The following BRINP2 variants were observed in gnomAD, a reference collection of about 807,000 sequenced individuals.
BRINP2 encodes BMP/retinoic acid inducible neural specific 2, also known as BMP/retinoic acid-inducible neural-specific protein 2.
Under a neutral mutation model 69.2 loss-of-function variants are expected in BRINP2, and 21 were observed. That is an observed-to-expected ratio of 0.30 (90% CI 0.22 to 0.44). The LOEUF is 0.44. Ranked by LOEUF, BRINP2 falls within the 20% of genes least tolerant of loss-of-function variation. The pLI is 1.00. For synonymous variants in BRINP2, 380 were observed against 394.1 expected (o/e 0.96, Z 0.42); for missense variants, 877 against 986.0 (o/e 0.89, Z 1.48).
intron 2 of BRINP2, among the ~76,000 whole-genome samples, chr1:177,239,837 G>A (rs1416919870): frequency 1.3e-5 from 2 of 152,126 alleles, no homozygotes; most frequent in Admixed American, 6.5e-5. Context: ...TATGTTTTGG[G>A]GAAGATGCAG....
At chr1:177,213,986 G>T (rs1217395265) in intron 1 of BRINP2, among the ~76,000 whole-genome samples, 1 of 152,192 alleles carries the variant, frequency 6.6e-6, no homozygotes, top group Non-Finnish European at 1.5e-5. Flanking sequence ...GTCAGCAGCA[G>T]TCTGAGCCAA....
rs944890706 is a variant in BRINP2, at chr1:177,229,990, G to A, written c.114G>A (p.Ala38=). Residue 38 remains alanine, a synonymous_variant, in exon 2 of 8, where the codon GCG becomes GCA. Coordinates refer to ENST00000361539, the MANE Select transcript of BRINP2 (RefSeq NM_021165.4). The part of the protein sequence containing the change: ...PGWVLAVSAT[A]AAVVPEQHAS... ...GGGTGTTGGCTGTCTCAGCCACGGC[G>A]GCTGCTGTGGTCCCCGAGCAGCATG... 2.2e-5 allele frequency: 36 copies of A among 1,613,284 alleles called. No homozygotes were observed. Among genetic ancestry groups the A allele is most frequent in the Non-Finnish European group, 2.9e-5 (34 of 1,179,890 alleles).
chr1:177,224,633 G>A (rs1280949542), intron 1 of BRINP2, among the ~76,000 whole-genome samples: 3 of 151,642 alleles, frequency 2.0e-5, no homozygotes, highest in African/African-American at 7.3e-5. Context: ...CTGATGCTGT[G>A]AGGTATAAAT....
chr1:177,278,824 CT>C lies in BRINP2; in HGVS notation c.1235+40del, dbSNP rs1651597477. Reference sequence around the variant, plus strand: ...GGCTGCTACAGCCAGAGCTCAGCACCTCCCCTGACAGCTGCTGAGGCCAAGG... The same window carrying C: ...GGCTGCTACAGCCAGAGCTCAGCACCCCCCTGACAGCTGCTGAGGCCAAGG... On this transcript the variant is annotated intron_variant, in intron 7 of 7. Transcript: ENST00000361539. 1.9e-6 allele frequency: 3 copies of C among 1,597,350 alleles called. No individual in the cohort carries two copies. In the South Asian group the frequency reaches 3.3e-5, roughly 18 times the overall value.
chr1:177,222,592 G>A (rs1480361335), intron 1 of BRINP2, among the ~76,000 whole-genome samples: 4 of 152,032 alleles, frequency 2.6e-5, no homozygotes, highest in South Asian at 4.1e-4. Context: ...GATTACAGGC[G>A]TGAGCCACTG....
At chr1:177,185,312 ATATCTTGACCTTGAAACTTTTT>A (rs1421637619) in intron 1 of BRINP2, among the ~76,000 whole-genome samples, 1 of 152,200 alleles carries the variant, frequency 6.6e-6, no homozygotes, top group African/African-American at 2.4e-5. Context: ...TATTTCCAAT[ATATCTTGACCTTGAAACTTTTT>A]TTGATCTTAT....
At chr1:177,276,070 G>T in intron 5 of BRINP2, 128 bp from the exon 6 acceptor site, 2 of 827,548 alleles carry the variant, frequency 2.4e-6, no homozygotes, top group Non-Finnish European at 4.0e-6. Flanking sequence ...AGGCCCTGTG[G>T]TGCCCATGCT....
intron 1 of BRINP2, among the ~76,000 whole-genome samples, chr1:177,184,934 A>C (rs1648385575): frequency 6.6e-6 from 1 of 152,172 alleles, no homozygotes; most frequent in Non-Finnish European, 1.5e-5. Flanking sequence ...TGGGGAGCTT[A>C]TTAAAATGCA....
intron 1 of BRINP2, among the ~76,000 whole-genome samples, chr1:177,224,694 C>T (rs1209739043): frequency 2.0e-5 from 3 of 151,922 alleles, no homozygotes; most frequent in Non-Finnish European, 2.9e-5. Context: ...AAATCTGTGA[C>T]CTCATGCAAT....
intron 6 of BRINP2, among the ~76,000 whole-genome samples, chr1:177,277,802 A>G (rs977509893): frequency 6.6e-6 from 1 of 152,064 alleles, no homozygotes; most frequent in Non-Finnish European, 1.5e-5. Context: ...CTAGACCTCT[A>G]CCAGGAGACC....
intron 1 of BRINP2, among the ~76,000 whole-genome samples, chr1:177,175,293 G>GT (rs1448794092): frequency 1.3e-5 from 2 of 152,080 alleles, no homozygotes; most frequent in African/African-American, 4.8e-5. Flanking sequence ...AGCGGGGTGG[G>GT]GGGGGCAGGA....
intron 2 of BRINP2, among the ~76,000 whole-genome samples, chr1:177,230,770 A>G (rs1649842306): frequency 6.6e-6 from 1 of 152,212 alleles, no homozygotes; most frequent in Non-Finnish European, 1.5e-5. Flanking sequence ...AGCCAGGCAC[A>G]TATTCCTGGC....
At chr1:177,229,580 T>A (rs1328381857) in intron 1 of BRINP2, among the ~76,000 whole-genome samples, 26 of 152,228 alleles carry the variant, frequency 1.7e-4, no homozygotes, top group Admixed American at 1.7e-3. Context: ...CTAAGCCTCA[T>A]CTTCTTATCT....
chr1:177,212,932 C>A (rs1403086090), intron 1 of BRINP2, among the ~76,000 whole-genome samples: 1 of 152,160 alleles, frequency 6.6e-6, no homozygotes, highest in Non-Finnish European at 1.5e-5. Flanking sequence ...GGGTATAATA[C>A]CTACCTTGGT....
At chr1:177,276,622 G>A (rs1571949960) in intron 6 of BRINP2, among the ~76,000 whole-genome samples, 188 bp downstream of exon 6, 1 of 152,236 alleles carries the variant, frequency 6.6e-6, no homozygotes, top group East Asian at 1.9e-4. Flanking sequence ...TTTTTTTCTA[G>A]GACATTGGTA....
chr1:177,256,500 C>G, intron 3 of BRINP2: 1 of 985,352 alleles, frequency 1.0e-6, no homozygotes, highest in Non-Finnish European at 1.2e-6. Context: ...GTCCCTGACC[C>G]CTCTTCCTCT....
chr1:177,282,288 C>A lies in BRINP2; in HGVS notation c.*760C>A, dbSNP rs984819890. On this transcript the variant is annotated 3_prime_UTR_variant, in exon 8 of 8. Coordinates refer to ENST00000361539, the MANE Select transcript of BRINP2 (RefSeq NM_021165.4). The stretch of plus-strand genomic sequence containing the variant: ...GAAGCTCTGTCAAGTTAGAGAGAGA[C>A]AATGTGTAGGAAATGTTCTTTTTTA... 2.6e-5 allele frequency: 4 copies of A among 151,948 alleles called. No individual in the cohort carries two copies. Among genetic ancestry groups the A allele is most frequent in the African/African-American group, 7.3e-5 (3 of 41,336 alleles). 9.4% of individuals were successfully genotyped at this position (151,948 alleles called of 1,614,324 possible).
chr1:177,219,298 C>T (rs1416532275), intron 1 of BRINP2, among the ~76,000 whole-genome samples: 1 of 152,160 alleles, frequency 6.6e-6, no homozygotes, highest in East Asian at 1.9e-4. Context: ...CTGCTATCCC[C>T]CTAGCTTTCC....
Position 177,257,404 on chromosome 1 carries a change from A to G in BRINP2, c.669+20A>G, listed in dbSNP as rs747911029. 6.3e-7 allele frequency: 1 copy of G among 1,583,532 alleles called. No homozygotes were observed. The highest frequency in any genetic ancestry group is 1.1e-5 in the South Asian group (1 of 87,278). On this transcript the variant is annotated intron_variant, in intron 4 of 7. Transcript: ENST00000361539. ...ATCAAGGTAATGACCTGAGAGGTAC[A>G]GGGAAGGGGATGGGGGAAGCACTGA...
Sources: gnomAD v4.1 joint callset for allele counts (sites outside exome capture counted in the v4.1 genomes callset) on GRCh38, gnomAD v4.1.1 for gene constraint, MANE v1.5 for transcripts, NCBI Gene and HGNC (gene_info 2026-07-23, HGNC 2026-07-21) for gene names.